OPCML: variants seen among roughly 807,000 people sequenced by gnomAD.
OPCML encodes the protein opioid binding protein/cell adhesion molecule like.
Under a neutral mutation model 37.8 loss-of-function variants are expected in OPCML, and 13 were observed. The observed-to-expected ratio is 0.34, with a 90% CI of 0.22 to 0.55. The LOEUF is 0.55. Ranked by LOEUF, OPCML falls within the 20% of genes least tolerant of loss-of-function variation. OPCML has a pLI of 0.91. For synonymous variants in OPCML, 176 were observed against 168.8 expected, an observed-to-expected ratio of 1.04 and a Z score of -0.33; for missense variants, 341 against 435.6, an observed-to-expected ratio of 0.78 and a Z score of 1.93.
intron 1 of OPCML, among the ~76,000 whole-genome samples, chr11:132,985,575 G>A (rs1296286113): frequency 2.0e-5 from 3 of 152,190 alleles, no homozygotes; most frequent in Admixed American, 6.5e-5. Flanking sequence ...TTAACCAGGA[G>A]AATATTCCCT....
intron 1 of OPCML, among the ~76,000 whole-genome samples, chr11:133,495,547 G>T (rs916910844): frequency 4.6e-5 from 7 of 151,940 alleles, no homozygotes; most frequent in African/African-American, 1.7e-4. Context: ...CCTGATCACC[G>T]CATCCACACC....
At chr11:133,023,163 A>AG (rs1947485195) in intron 1 of OPCML, among the ~76,000 whole-genome samples, 1 of 152,248 alleles carries the variant, frequency 6.6e-6, no homozygotes, top group African/African-American at 2.4e-5. Context: ...AAGCAGGTGC[A>AG]GAGCCCTTCA....
At chr11:133,079,670 C>T (rs905132737) in intron 1 of OPCML, among the ~76,000 whole-genome samples, 1 of 151,992 alleles carries the variant, frequency 6.6e-6, no homozygotes, top group Non-Finnish European at 1.5e-5. Flanking sequence ...CACCAGCTCA[C>T]CGTGTGACCT....
At chr11:132,555,680 G>A (rs886072043) in intron 3 of OPCML, among the ~76,000 whole-genome samples, 4 of 152,092 alleles carry the variant, frequency 2.6e-5, no homozygotes, top group Admixed American at 1.3e-4. Context: ...GATGAATGAA[G>A]GCGCGTAGAC....
chr11:132,417,934 A>C lies in OPCML; in HGVS notation c.*2259T>G, dbSNP rs1213830093. ...TCTGGCTCCTGGCAGCTCACTAGGA[A>C]ATGCAGATGTCTGTTTACAGCTGGA... On this transcript the variant is annotated 3_prime_UTR_variant, in exon 8 of 8. Transcript: ENST00000524381. The C allele has an allele frequency of 6.6e-6, 1 of 152,220 alleles. No individual in the cohort carries two copies. Among genetic ancestry groups the C allele is most frequent in the Non-Finnish European group, 1.5e-5 (1 of 68,042 alleles). 9.4% of individuals were successfully genotyped at this position (152,220 alleles called of 1,614,324 possible). A position where few individuals can be genotyped will look rare whatever the true frequency, so the allele number is the denominator to read the frequency against.
At position 133,245,256 on chromosome 11, in the gene OPCML, T is replaced by A. The variant is rs566873978; in HGVS notation, c.61+287008A>T. Among the ~76,000 whole-genome samples the A allele has an allele frequency of 2.0e-3, 305 of 152,282 alleles. 1 individual carries two copies. Among genetic ancestry groups the A allele is most frequent in the African/African-American group, 6.9e-3 (287 of 41,556 alleles). ...CGTTCAAAGATAGGGATGCACAAAT[T>A]TTGGATAATTCAAAATTATCTGAAT... On this transcript the variant is annotated intron_variant, in intron 1 of 7. Transcript: ENST00000524381.
At chr11:133,134,117 T>C (rs1290925528) in intron 1 of OPCML, among the ~76,000 whole-genome samples, 3 of 152,118 alleles carry the variant, frequency 2.0e-5, no homozygotes, top group African/African-American at 4.8e-5. Context: ...AGGAGCTGCC[T>C]GCAAGCTTGT....
intron 1 of OPCML, among the ~76,000 whole-genome samples, chr11:133,410,525 C>A (rs1318201213): frequency 6.7e-6 from 1 of 149,876 alleles, no homozygotes; most frequent in African/African-American, 2.5e-5. Flanking sequence ...GCATAGCATG[C>A]TATGGTTTCC....
chr11:133,230,931 T>C (rs965077524), intron 1 of OPCML, among the ~76,000 whole-genome samples: 30 of 152,202 alleles, frequency 2.0e-4, no homozygotes, highest in Admixed American at 1.8e-3. Flanking sequence ...TCTGGGAGCC[T>C]GTGATTCAGA....
At chr11:133,323,055 C>T (rs1565571554) in intron 1 of OPCML, among the ~76,000 whole-genome samples, 1 of 152,130 alleles carries the variant, frequency 6.6e-6, no homozygotes, top group African/African-American at 2.4e-5. Flanking sequence ...CAGACTGAAT[C>T]TCAGGGAGAA....
chr11:132,691,349 C>G (rs1259033615), intron 2 of OPCML, among the ~76,000 whole-genome samples: 1 of 152,186 alleles, frequency 6.6e-6, no homozygotes, highest in Non-Finnish European at 1.5e-5. Flanking sequence ...GCTCTCTGAA[C>G]TAGGTGAAGA....
intron 2 of OPCML, among the ~76,000 whole-genome samples, chr11:132,917,742 C>T (rs577426938): frequency 9.3e-4 from 141 of 152,292 alleles, no homozygotes; most frequent in African/African-American, 3.2e-3. Flanking sequence ...CTCTGATTTC[C>T]TTAACATGAA....
rs1225323071 is a variant in OPCML at position 133,514,694 on chromosome 11, G to A, written c.61+17570C>T. On this transcript the variant is annotated intron_variant, in intron 1 of 7. Transcript: ENST00000524381. ...CAAAACTCTATTGCCATAACTGTAC[G>A]TAGGTCTGCACTGTTATTTATAACC... 3.3e-5 allele frequency among the ~76,000 whole-genome samples: 5 copies of A among 152,234 alleles called. No individual in the cohort carries two copies. In the East Asian group the frequency reaches 5.8e-4, roughly 18 times the overall value.
intron 1 of OPCML, among the ~76,000 whole-genome samples, chr11:133,402,605 T>C (rs972172371): frequency 1.3e-5 from 2 of 152,158 alleles, no homozygotes; most frequent in East Asian, 3.9e-4. Flanking sequence ...ATCATAAACA[T>C]GTACCTTTCC....
chr11:133,332,181 T>G (rs559310188), intron 1 of OPCML, among the ~76,000 whole-genome samples: 1 of 152,328 alleles, frequency 6.6e-6, no homozygotes, highest in African/African-American at 2.4e-5. Context: ...TTTTATTTTA[T>G]GTGTGTGGCA....
At chr11:133,147,002 A>C (rs574556220) in intron 1 of OPCML, among the ~76,000 whole-genome samples, 1 of 152,330 alleles carries the variant, frequency 6.6e-6, no homozygotes, top group Non-Finnish European at 1.5e-5. Flanking sequence ...AGGAGACTCC[A>C]ATGAATGAAG....
At chr11:132,684,715 A>G (rs1401725528) in intron 2 of OPCML, among the ~76,000 whole-genome samples, 1 of 152,210 alleles carries the variant, frequency 6.6e-6, no homozygotes, top group African/African-American at 2.4e-5. Flanking sequence ...GCAGTGAAAA[A>G]TGGACAAAAA....
intron 4 of OPCML, among the ~76,000 whole-genome samples, chr11:132,487,311 T>C (rs2096202961): frequency 6.6e-6 from 1 of 152,208 alleles, no homozygotes; most frequent in African/African-American, 2.4e-5. Flanking sequence ...ATTTCCAACA[T>C]GTCACTGCCT....
At chr11:132,815,828 A>G (rs56323121) in intron 2 of OPCML, among the ~76,000 whole-genome samples, 3,656 of 152,316 alleles carry the variant, frequency 0.024, 107 homozygotes, top group African/African-American at 0.07. Flanking sequence ...GAAGAAAGAG[A>G]TACTGGATGG....
Sources: gnomAD v4.1 joint callset for allele counts (sites outside exome capture counted in the v4.1 genomes callset) on GRCh38, gnomAD v4.1.1 for gene constraint, MANE v1.5 for transcripts, NCBI Gene and HGNC (gene_info 2026-07-23, HGNC 2026-07-21) for gene names.